The following HSD17B4 variants were observed in gnomAD, a reference collection of about 807,000 sequenced individuals.
The protein encoded by HSD17B4 is peroxisomal multifunctional enzyme type 2.
Under a neutral mutation model 101.0 loss-of-function variants are expected in HSD17B4, and 70 were observed. The observed-to-expected ratio is 0.69, with a 90% CI of 0.57 to 0.85. The LOEUF is 0.85. Among genes scored for constraint, HSD17B4 ranks in the 40% least tolerant of loss-of-function variants. The probability of loss-of-function intolerance (pLI) is 0.00; values close to 1 mark genes in which losing one functional copy is unlikely to be tolerated. For synonymous variants in HSD17B4, 347 were observed against 297.1 expected (o/e 1.17, Z -1.73); for missense variants, 984 against 892.4 (o/e 1.10, Z -1.31).
At chr5:119,480,209 G>A (rs925364751) in intron 8 of HSD17B4, among the ~76,000 whole-genome samples, 1 of 151,822 alleles carries the variant, frequency 6.6e-6, no homozygotes, top group Non-Finnish European at 1.5e-5. Context: ...GAATTTTAAG[G>A]GTTCTTTGTA....
At chr5:119,488,938 G>C (rs903704899) in intron 8 of HSD17B4, among the ~76,000 whole-genome samples, 3 of 152,028 alleles carry the variant, frequency 2.0e-5, no homozygotes, top group Admixed American at 6.6e-5. Context: ...TTCTTCTTCT[G>C]AACAGTATTA....
At chr5:119,455,564 C>G (rs368825358) in intron 1 of HSD17B4, among the ~76,000 whole-genome samples, 1 of 126,194 alleles carries the variant, frequency 7.9e-6, no homozygotes, top group African/African-American at 2.9e-5. Context: ...CTCTCTCTCT[C>G]TCTCTATATA....
At chr5:119,488,105 A>G (rs2546209) in intron 8 of HSD17B4, among the ~76,000 whole-genome samples, 3,163 of 152,272 alleles carry the variant, frequency 0.021, 95 homozygotes, top group African/African-American at 0.071. Context: ...TCTTTTAGAT[A>G]AAATTGTATG....
chr5:119,529,429 A>G (rs556059214), intron 20 of HSD17B4, among the ~76,000 whole-genome samples: 1 of 152,210 alleles, frequency 6.6e-6, no homozygotes, highest in Non-Finnish European at 1.5e-5. Flanking sequence ...ATTCTATATT[A>G]GCAGAACAAA....
At chr5:119,467,929 A>G (rs1755977855) in intron 2 of HSD17B4, among the ~76,000 whole-genome samples, 1 of 152,182 alleles carries the variant, frequency 6.6e-6, no homozygotes, top group South Asian at 2.1e-4. Flanking sequence ...GTGTCTTTAC[A>G]AGCAAAGTGA....
chr5:119,509,155 G>A lies in HSD17B4; in HGVS notation c.1348G>A (p.Glu450Lys), dbSNP rs1751932770. ...TTACTTTTCAGTCTATTCTTATTCT[G>A]AGAAGGAACTTATATGCCACAATCA... Reference protein sequence around the residue: ...VIIMDVYSYSEKELICHNQFS... With the variant: ...VIIMDVYSYSKKELICHNQFS... The change falls in exon 16 of 24, where the codon GAG becomes AAG. Residue 450 changes from glutamate (E) to lysine (K), a missense_variant. Transcript: ENST00000510025. The A allele has an allele frequency of 6.3e-7, 1 of 1,581,430 alleles. No homozygotes were observed. The highest frequency in any genetic ancestry group is 1.3e-5 in the African/African-American group (1 of 74,148).
chr5:119,496,647 GT>G lies in HSD17B4; in HGVS notation c.972+2del. The G allele has an allele frequency of 6.5e-7, 1 of 1,550,302 alleles. No homozygotes were observed. Among genetic ancestry groups the G allele is most frequent in the South Asian group, 1.1e-5 (1 of 89,926 alleles). ...AACGTCTACAGCAACATCAGGATTT[GT>G]AAGTGGGAAAAAAGCCTAAAGCGTT... On this transcript the variant is annotated splice_donor_variant, in intron 12 of 23. Transcript: ENST00000510025. LOFTEE classifies it high-confidence loss of function.
chr5:119,509,026 C>T (rs1751917599), intron 15 of HSD17B4, 115 bp from the exon 16 acceptor site: 1 of 695,116 alleles, frequency 1.4e-6, no homozygotes, highest in East Asian at 2.6e-5. Flanking sequence ...AGAACTCTTT[C>T]AGTAATTGGA....
At chr5:119,476,945 A>G (rs1748644024) in intron 6 of HSD17B4, among the ~76,000 whole-genome samples, 1 of 152,216 alleles carries the variant, frequency 6.6e-6, no homozygotes, top group Non-Finnish European at 1.5e-5. Flanking sequence ...TGTTCGTTAG[A>G]TTGAAATTTG....
intron 8 of HSD17B4, among the ~76,000 whole-genome samples, chr5:119,483,272 G>A (rs754412777): frequency 3.3e-5 from 5 of 152,106 alleles, no homozygotes; most frequent in Non-Finnish European, 1.5e-5. Flanking sequence ...GGCTCTGGGG[G>A]CTTCTATCTC....
rs557346392 is a variant in HSD17B4 at position 119,522,206 on chromosome 5, A to G, written c.1504-3010A>G. ...TGGTGTTTGGTTTTTTGTCCTTGCA[A>G]TAGTTTTCTGAGAATGATGGTTTCC... is the stretch of plus-strand genomic sequence containing the variant. On this transcript the variant is annotated intron_variant, in intron 17 of 23. Transcript: ENST00000510025. 1.8e-4 allele frequency among the ~76,000 whole-genome samples: 27 copies of G among 152,158 alleles called. No homozygotes were observed. The South Asian group carries it at 3.7e-3, about 21-fold the overall frequency.
chr5:119,489,472 C>T (rs1264213344), intron 9 of HSD17B4, among the ~76,000 whole-genome samples, 189 bp downstream of exon 9: 1 of 152,142 alleles, frequency 6.6e-6, no homozygotes, highest in Non-Finnish European at 1.5e-5. Flanking sequence ...CTTAGTTCTA[C>T]ATTTGTAACA....
rs771498011 is a variant in HSD17B4, at chr5:119,499,321, G to A, written c.977G>A (p.Gly326Glu). 3.7e-6 allele frequency: 6 copies of A among 1,605,000 alleles called. No homozygotes were observed. The highest frequency in any genetic ancestry group is 3.4e-6 in the Non-Finnish European group (4 of 1,171,808). Reference sequence around the variant, plus strand: ...ACTTTTTAAAACTGTTCTTAGGCTGGAGCTATTGGCCAGAAACTCCCTCCA... The same window carrying A: ...ACTTTTTAAAACTGTTCTTAGGCTGAAGCTATTGGCCAGAAACTCCCTCCA... ...ATSTATSGFA[G>E]AIGQKLPPFS... is the part of the protein sequence containing the mutation. Residue 326 changes from glycine (G) to glutamate (E), a missense_variant, in exon 13 of 24, where the codon GGA becomes GAA. By Grantham distance (98) the Gly-to-Glu change is moderately conservative (BLOSUM62 -2). Transcript: ENST00000510025.
chr5:119,536,966 G>A (rs942564410), intron 23 of HSD17B4, among the ~76,000 whole-genome samples: 1 of 152,132 alleles, frequency 6.6e-6, no homozygotes, highest in Non-Finnish European at 1.5e-5. Flanking sequence ...ATGATTAACA[G>A]AAGAGTGCCT....
intron 14 of HSD17B4, among the ~76,000 whole-genome samples, chr5:119,505,903 A>G (rs1308965559): frequency 1.3e-5 from 2 of 152,166 alleles, no homozygotes; most frequent in African/African-American, 2.4e-5. Context: ...GACATTGCCA[A>G]TGGTTATTTA....
In HSD17B4 at chr5:119,477,419, A is replaced by G; in HGVS notation, c.352A>G (p.Ile118Val). Residue 118 changes from isoleucine to valine, a missense_variant and splice_region_variant, in exon 7 of 24, where the codon ATA becomes GTA. Physicochemically the swap from Ile to Val is conservative, Grantham distance 29. Transcript: ENST00000510025. ...ATAAAAATAATTTATTGTTTTAGAT[A>G]TAATCCACAGAGTTCATTTGCGGGG... The part of the protein sequence containing the change: ...FARISDEDWD[I>V]IHRVHLRGSF... 6.2e-7 allele frequency: 1 copy of G among 1,600,274 alleles called. No individual in the cohort carries two copies. The highest frequency in any genetic ancestry group is 8.6e-7 in the Non-Finnish European group (1 of 1,167,656).
chr5:119,469,206 C>T (rs1323098412), intron 2 of HSD17B4, among the ~76,000 whole-genome samples: 1 of 151,078 alleles, frequency 6.6e-6, no homozygotes, highest in African/African-American at 2.4e-5. Context: ...TTTGAATTCC[C>T]TTTCAGGAAT....
intron 2 of HSD17B4, chr5:119,471,646 C>G: frequency 7.3e-7 from 1 of 1,372,478 alleles, no homozygotes; most frequent in South Asian, 1.6e-5. Context: ...CTTTCAAAAT[C>G]TATGCAATAA....
At chr5:119,473,314 CTTTTTTT>C (rs767536359) in intron 2 of HSD17B4, among the ~76,000 whole-genome samples, 1 of 58,440 alleles carries the variant, frequency 1.7e-5, no homozygotes, top group Non-Finnish European at 3.6e-5. Context: ...TTCCCTGCTC[CTTTTTTT>C]TTTTTTTTTT....
Sources: allele counts gnomAD v4.1 joint callset (sites outside exome capture counted in the v4.1 genomes callset), GRCh38; gene constraint gnomAD v4.1.1; transcripts MANE v1.5; gene names NCBI Gene and HGNC (gene_info 2026-07-23, HGNC 2026-07-21).